HPS5: variants seen among roughly 807,000 people sequenced by gnomAD.
The protein encoded by HPS5 is BLOC-2 complex member HPS5.
A neutral mutation model predicts 128.0 loss-of-function variants in HPS5; 83 were observed. The ratio of observed to expected loss-of-function variants is 0.65; its 90% confidence interval spans 0.54 to 0.78. The LOEUF (loss-of-function observed/expected upper bound fraction) is 0.78, where lower values mean the gene tolerates loss of function less well. HPS5 is among the 30% of genes least tolerant of loss of function. The pLI, the probability that HPS5 is intolerant of heterozygous loss-of-function variation, is 0.00. For synonymous variants in HPS5, 475 were observed against 470.2 expected, an observed-to-expected ratio of 1.01 and a Z score of -0.13; for missense variants, 1,281 against 1,326.2, an observed-to-expected ratio of 0.97 and a Z score of 0.53.
At chr11:18,307,159 C>G (rs113484692) in intron 6 of HPS5, among the ~76,000 whole-genome samples, 19 of 152,284 alleles carry the variant, frequency 1.2e-4, no homozygotes, top group African/African-American at 4.3e-4. Flanking sequence ...TCTTATTCCT[C>G]TTTGGTTGAA....
intron 9 of HPS5, 61 bp downstream of exon 9, chr11:18,300,767 C>T (rs1861612531): frequency 1.2e-6 from 1 of 821,516 alleles, no homozygotes; most frequent in Non-Finnish European, 2.1e-6. Context: ...AGAGAATGCT[C>T]CTACAATAAT....
chr11:18,296,186 T>TA (rs1201745136), intron 12 of HPS5, 64 bp from the exon 13 acceptor site: 6 of 1,549,086 alleles, frequency 3.9e-6, no homozygotes, highest in Non-Finnish European at 4.4e-6. Flanking sequence ...TTTTAATCTT[T>TA]AAAAAAATTC....
In HPS5 at chr11:18,296,901, G is replaced by A. The variant is rs1861138283; in HGVS notation, c.1407C>T (p.Ser469=). The change falls in exon 12 of 23, where the codon TCC becomes TCT. Residue 469 remains serine (S), a synonymous_variant. Transcript: ENST00000349215. ...RGSQSDEDSC[S]LHSQTLSEDE... ...CTTCTGAGAGGGTTTGGCTGTGAAG[G>A]GAGCAAGAGTCTTCATCTGACTGAC... 1.2e-6 allele frequency: 2 copies of A among 1,611,932 alleles called. No individual in the cohort carries two copies. Among genetic ancestry groups the A allele is most frequent in the Non-Finnish European group, 8.5e-7 (1 of 1,178,328 alleles).
intron 6 of HPS5, among the ~76,000 whole-genome samples, chr11:18,307,115 C>A (rs529040573): frequency 6.6e-6 from 1 of 152,330 alleles, no homozygotes; most frequent in East Asian, 1.9e-4. Flanking sequence ...TCTATTTAAA[C>A]AGCAGATCAT....
In HPS5 at chr11:18,298,867, G is replaced by C. The variant is rs770239267; in HGVS notation, c.1089C>G (p.Arg363=). ...AGTTCCATAGGCCTCTTCTTAGCAG[G>C]CGTTCCACACAGCGCTCCACAGATA... The part of the protein sequence containing the change: ...SLISVERCVE[R]LLRRGLWNLA... The change falls in exon 10 of 23, where the codon CGC becomes CGG. Residue 363 remains arginine (R), a synonymous_variant. Transcript: ENST00000349215. 3.7e-5 allele frequency: 59 copies of C among 1,614,064 alleles called. No homozygotes were observed. Among genetic ancestry groups the C allele is most frequent in the Non-Finnish European group, 4.9e-5 (58 of 1,180,028 alleles).
At chr11:18,293,317 C>T (rs1344500808) in intron 14 of HPS5, among the ~76,000 whole-genome samples, 6 of 152,136 alleles carry the variant, frequency 3.9e-5, no homozygotes, top group African/African-American at 7.2e-5. Flanking sequence ...TACAGGCACC[C>T]AGCATCATGC....
intron 13 of HPS5, among the ~76,000 whole-genome samples, chr11:18,295,683 A>G (rs1860969639): frequency 6.6e-6 from 1 of 152,242 alleles, no homozygotes; most frequent in Non-Finnish European, 1.5e-5. Flanking sequence ...TCCAAGTCTG[A>G]GCCCAAACTG....
At chr11:18,291,358 T>C (rs1590070361) in intron 16 of HPS5, 84 bp downstream of exon 16, 2 of 839,660 alleles carry the variant, frequency 2.4e-6, no homozygotes, top group African/African-American at 3.4e-5. Flanking sequence ...TCTACTTAAA[T>C]CTTTTTTTTA....
intron 1 of HPS5, among the ~76,000 whole-genome samples, chr11:18,319,753 T>A (rs1430902212): frequency 6.6e-6 from 1 of 152,142 alleles, no homozygotes; most frequent in Admixed American, 6.6e-5. Context: ...GTGGGTGATA[T>A]GAAAATGAGG....
At chr11:18,302,472 C>T (rs1178007029) in intron 8 of HPS5, among the ~76,000 whole-genome samples, 1 of 152,166 alleles carries the variant, frequency 6.6e-6, no homozygotes, top group Non-Finnish European at 1.5e-5. Flanking sequence ...TCATATGGCA[C>T]TTAATCATCT....
Position 18,300,935 on chromosome 11 carries a change from A to C in HPS5, c.897-19T>G. The C allele has an allele frequency of 7.2e-7, 1 of 1,391,552 alleles. No homozygotes were observed. 86.2% of individuals were successfully genotyped at this position (1,391,552 alleles called of 1,614,324 possible). On this transcript the variant is annotated intron_variant, in intron 8 of 22. Coordinates refer to ENST00000349215, the MANE Select transcript of HPS5 (RefSeq NM_181507.2). ...ATGCTCACTGCAAGAGAAGAAGTGA[A>C]GAGAATTCAAGTGTGCTAGGATACA...
At position 18,317,731 on chromosome 11, in the gene HPS5, A is replaced by G. The variant is rs778043800; in HGVS notation, c.108+20T>C. On this transcript the variant is annotated intron_variant, in intron 2 of 22. Coordinates refer to ENST00000349215, the MANE Select transcript of HPS5 (RefSeq NM_181507.2). ...GAGAGCACGTGAAAATGAAACTGAT[A>G]CAAGGATCAAGAAATTCACCTTTAG... 10 of 1,610,842 alleles carry G rather than the reference A, an allele frequency of 6.2e-6. No individual in the cohort carries two copies. Among genetic ancestry groups the G allele is most frequent in the South Asian group, 5.5e-5 (5 of 90,428 alleles).
intron 8 of HPS5, 118 bp from the exon 9 acceptor site, chr11:18,301,034 C>T: frequency 1.4e-6 from 1 of 708,662 alleles, no homozygotes; most frequent in South Asian, 1.6e-5. Context: ...AAAGAAAACA[C>T]AAGAGTGATC....
intron 6 of HPS5, 66 bp from the exon 7 acceptor site, chr11:18,306,413 C>T: frequency 9.5e-7 from 1 of 1,049,030 alleles, no homozygotes; most frequent in Non-Finnish European, 1.5e-6. Flanking sequence ...AACGGCACTA[C>T]AAATCAGCAT....
chr11:18,304,533 CT>C (rs1395308696), intron 8 of HPS5, among the ~76,000 whole-genome samples: 1 of 152,184 alleles, frequency 6.6e-6, no homozygotes, highest in East Asian at 1.9e-4. Context: ...CTTTTAAATA[CT>C]TCAGTGTAGG....
chr11:18,316,255 A>G (rs914811429), intron 2 of HPS5, among the ~76,000 whole-genome samples: 1 of 152,068 alleles, frequency 6.6e-6, no homozygotes, highest in Non-Finnish European at 1.5e-5. Flanking sequence ...GGATCTCCCC[A>G]TTGCACTTAG....
intron 4 of HPS5, 55 bp downstream of exon 4, chr11:18,311,332 T>C (rs1862957290): frequency 1.6e-6 from 2 of 1,240,268 alleles, no homozygotes; most frequent in East Asian, 4.7e-5. Flanking sequence ...CAAACACATG[T>C]GTCAATTTAA....
Position 18,296,105 on chromosome 11 carries a change from G to C in HPS5, c.1528C>G (p.Pro510Ala), listed in dbSNP as rs1323633617. ...HGNEDNVSHA[P>A]VMFETDKNET... ...TTCTTATCTGTCTCAAACATCACTGGAGCATGAGAAACATTGTCTAATGAA... is the reference window on the plus strand; with the variant it reads ...TTCTTATCTGTCTCAAACATCACTGCAGCATGAGAAACATTGTCTAATGAA... Residue 510 changes from proline to alanine, a missense_variant, in exon 13 of 23, where the codon CCA becomes GCA. Physicochemically the swap from Pro to Ala is conservative, Grantham distance 27. Transcript: ENST00000349215. The C allele has an allele frequency of 3.1e-6, 5 of 1,613,100 alleles. No individual in the cohort carries two copies. The highest frequency in any genetic ancestry group is 4.2e-6 in the Non-Finnish European group (5 of 1,179,290).
chr11:18,293,039 TGA>T (rs1860622674), intron 14 of HPS5, 63 bp from the exon 15 acceptor site: 3 of 1,309,796 alleles, frequency 2.3e-6, no homozygotes, highest in Non-Finnish European at 3.3e-6. Flanking sequence ...GAGCTTTTTT[TGA>T]GACAGGGTCT....
Sources: gnomAD v4.1 joint callset for allele counts (sites outside exome capture counted in the v4.1 genomes callset) on GRCh38, gnomAD v4.1.1 for gene constraint, MANE v1.5 for transcripts, NCBI Gene and HGNC (gene_info 2026-07-23, HGNC 2026-07-21) for gene names.